Variants in AGBL4 observed in about 807,000 individuals in gnomAD.
The protein encoded by AGBL4 is AGBL carboxypeptidase 4, also known as cytosolic carboxypeptidase 6.
AGBL4 carries 58 observed loss-of-function variants against 66.4 expected under a neutral mutation model. The observed-to-expected ratio is 0.87, with a 90% CI of 0.71 to 1.09. AGBL4 has a LOEUF of 1.09. Ranked by LOEUF, AGBL4 falls within the 50% of genes least tolerant of loss-of-function variation. The pLI, the probability that AGBL4 is intolerant of heterozygous loss-of-function variation, is 0.00. For missense variants in AGBL4, 579 were observed against 631.0 expected, an observed-to-expected ratio of 0.92 and a Z score of 0.88; for synonymous variants, 234 against 222.9, an observed-to-expected ratio of 1.05 and a Z score of -0.44.
At chr1:49,511,155 C>T (rs1215260949) in intron 3 of AGBL4, among the ~76,000 whole-genome samples, 2 of 151,770 alleles carry the variant, frequency 1.3e-5, no homozygotes, top group African/African-American at 4.8e-5. Context: ...CACACACACA[C>T]GTATGTTTAT....
rs1022900287 is a variant in AGBL4, at chr1:48,847,451, G to T, written c.634+19740C>A. Among the ~76,000 whole-genome samples the T allele has an allele frequency of 6.5e-4, 98 of 149,706 alleles. 1 individual carries two copies. The highest frequency in any genetic ancestry group is 3.5e-3 in the Middle Eastern group (1 of 282). On this transcript the variant is annotated intron_variant, in intron 6 of 13. Transcript: ENST00000371839. ...AGAATTGGCGTTCTCAGCCACTTAT[G>T]ATCCTGAGTGAATCTCAGCTGGGTG...
intron 9 of AGBL4, among the ~76,000 whole-genome samples, chr1:48,594,733 T>C (rs1644969853): frequency 6.6e-6 from 1 of 152,160 alleles, no homozygotes; most frequent in African/African-American, 2.4e-5. Flanking sequence ...TTTCACTGTT[T>C]CAACACCATT....
At chr1:49,044,765 G>C (rs1187063797) in intron 5 of AGBL4, among the ~76,000 whole-genome samples, 1 of 152,168 alleles carries the variant, frequency 6.6e-6, no homozygotes, top group East Asian at 1.9e-4. Context: ...ACCAGCCACT[G>C]ATAGCTCTCA....
At chr1:48,818,275 C>T (rs182161105) in intron 6 of AGBL4, 8 of 717,184 alleles carry the variant, frequency 1.1e-5, no homozygotes, top group East Asian at 1.1e-4. Context: ...ATATTATCTC[C>T]GTGGCATCTA....
intron 6 of AGBL4, among the ~76,000 whole-genome samples, chr1:48,814,170 C>T (rs920543883): frequency 2.0e-5 from 3 of 152,134 alleles, no homozygotes; most frequent in African/African-American, 7.2e-5. Flanking sequence ...CTGTCAACCT[C>T]CTCCTTGGGA....
chr1:49,556,200 T>TA (rs1398996318), intron 3 of AGBL4, among the ~76,000 whole-genome samples: 1 of 152,024 alleles, frequency 6.6e-6, no homozygotes, highest in Admixed American at 6.6e-5. Flanking sequence ...TATGCAGCCA[T>TA]AAAAAATGAT....
intron 6 of AGBL4, among the ~76,000 whole-genome samples, chr1:48,813,095 A>G (rs12084979): frequency 0.07 from 10,582 of 152,002 alleles, 504 homozygotes; most frequent in East Asian, 0.17. Flanking sequence ...ATGTACCCTA[A>G]AACTTAAAGT....
intron 1 of AGBL4, among the ~76,000 whole-genome samples, chr1:49,875,146 T>TATA (rs1224714434): frequency 6.8e-6 from 1 of 146,892 alleles, no homozygotes; most frequent in South Asian, 2.1e-4. Flanking sequence ...TTATTATTAC[T>TATA]ATTATTATTA....
intron 3 of AGBL4, among the ~76,000 whole-genome samples, chr1:49,359,604 A>C (rs545008813): frequency 6.6e-6 from 1 of 152,194 alleles, no homozygotes. Context: ...AGTTGACCTC[A>C]TGCTCTTCCA....
chr1:49,616,905 G>C (rs1015725532), intron 3 of AGBL4, among the ~76,000 whole-genome samples: 1 of 152,070 alleles, frequency 6.6e-6, no homozygotes, highest in African/African-American at 2.4e-5. Flanking sequence ...GTACTATCCG[G>C]TTCAAACCAC....
rs370942388 is a variant in AGBL4 at position 49,935,139 on chromosome 1, G to A, written c.35-83621C>T. On this transcript the variant is annotated intron_variant, in intron 1 of 13. Transcript: ENST00000371839. ...CAGGTCACTCCCACCCTAATACAGC[G>A]CTTTTCCGATGGGCTTAAAAAACGG... is the stretch of plus-strand genomic sequence containing the variant. 4.1e-4 allele frequency among the ~76,000 whole-genome samples: 62 copies of A among 152,326 alleles called. 1 individual carries two copies. The South Asian group carries it at 9.5e-3, about 23-fold the overall frequency.
chr1:49,120,768 G>C lies in AGBL4; in HGVS notation c.378-74968C>G, dbSNP rs531022366. Among the ~76,000 whole-genome samples the C allele has an allele frequency of 6.6e-5, 10 of 152,240 alleles. No individual in the cohort carries two copies. In the East Asian group the frequency reaches 1.7e-3, roughly 26 times the overall value. ...TATTGGCCTGTCTTGCTAGGTTGGG[G>C]AAGTTCTCCTGGGTAATATCCTGAA... On this transcript the variant is annotated intron_variant, in intron 4 of 13. Transcript: ENST00000371839.
intron 5 of AGBL4, among the ~76,000 whole-genome samples, chr1:48,889,809 A>G (rs1249309552): frequency 6.6e-6 from 1 of 152,210 alleles, no homozygotes; most frequent in African/African-American, 2.4e-5. Context: ...ATAGCAGGCA[A>G]CTGTAACCAG....
intron 4 of AGBL4, among the ~76,000 whole-genome samples, chr1:49,084,862 C>T (rs1644876283): frequency 6.6e-6 from 1 of 152,140 alleles, no homozygotes; most frequent in Non-Finnish European, 1.5e-5. Context: ...CTGAGCTTAT[C>T]AGCAATTAAG....
chr1:49,907,486 A>G (rs1254936408), intron 1 of AGBL4, among the ~76,000 whole-genome samples: 1 of 152,134 alleles, frequency 6.6e-6, no homozygotes. Flanking sequence ...TTTCCATTAA[A>G]TTTCATTAAA....
At chr1:48,755,591 G>T (rs754809867) in intron 6 of AGBL4, among the ~76,000 whole-genome samples, 2 of 152,212 alleles carry the variant, frequency 1.3e-5, no homozygotes, top group Non-Finnish European at 2.9e-5. Flanking sequence ...GGCAACTGAA[G>T]CCGAGAGTCA....
intron 3 of AGBL4, among the ~76,000 whole-genome samples, chr1:49,601,258 GA>G: frequency 6.6e-6 from 1 of 152,078 alleles, no homozygotes; most frequent in Non-Finnish European, 1.5e-5. Context: ...TCACATTCAG[GA>G]ACACCAATCA....
chr1:48,776,175 GAGAC>G (rs1247016515), intron 6 of AGBL4, among the ~76,000 whole-genome samples: 3 of 152,190 alleles, frequency 2.0e-5, no homozygotes, highest in African/African-American at 4.8e-5. Flanking sequence ...TAAAGGGAGA[GAGAC>G]AGACAGCTTG....
At chr1:49,700,650 T>C (rs1197787031) in intron 2 of AGBL4, among the ~76,000 whole-genome samples, 1 of 152,106 alleles carries the variant, frequency 6.6e-6, no homozygotes, top group Non-Finnish European at 1.5e-5. Context: ...AGGAGTGATA[T>C]CATACTGCAT....
Sources: gnomAD v4.1 joint callset for allele counts (sites outside exome capture counted in the v4.1 genomes callset) on GRCh38, gnomAD v4.1.1 for gene constraint, MANE v1.5 for transcripts, NCBI Gene and HGNC (gene_info 2026-07-23, HGNC 2026-07-21) for gene names.